Variants in TNNI3K observed in about 807,000 individuals in gnomAD.
TNNI3K encodes the protein TNNI3 interacting kinase.
TNNI3K carries 140 observed loss-of-function variants against 114.5 expected under a neutral mutation model. The observed-to-expected ratio is 1.22, with a 90% CI of 1.07 to 1.41. The LOEUF is 1.41. Ranked by LOEUF, TNNI3K falls within the 40% of genes most tolerant of loss-of-function variation. The pLI is 0.00. For missense variants in TNNI3K, 1,125 were observed against 1,007.6 expected (o/e 1.12, Z -1.58); for synonymous variants, 347 against 347.5 (o/e 1.00, Z 0.02).
intron 17 of TNNI3K, among the ~76,000 whole-genome samples, chr1:74,420,025 T>A (rs769315235): frequency 9.2e-5 from 14 of 151,848 alleles, no homozygotes; most frequent in Non-Finnish European, 1.6e-4. Context: ...ATGGCATGGG[T>A]GTTAGGAAGA....
intron 10 of TNNI3K, 49 bp from the exon 11 acceptor site, chr1:74,353,931 C>A: frequency 6.4e-7 from 1 of 1,566,380 alleles, no homozygotes; most frequent in Non-Finnish European, 8.6e-7. Flanking sequence ...AATTGGGGAG[C>A]AGTTTTTCTT....
At chr1:74,413,814 G>A (rs1474009492) in intron 17 of TNNI3K, among the ~76,000 whole-genome samples, 1 of 152,140 alleles carries the variant, frequency 6.6e-6, no homozygotes, top group Non-Finnish European at 1.5e-5. Flanking sequence ...AAAACAATGT[G>A]CCAAGTTAGA....
intron 21 of TNNI3K, chr1:74,475,215 TGAG>T: frequency 1.6e-6 from 1 of 607,208 alleles, no homozygotes. Context: ...TATTTCCTGT[TGAG>T]GAAATTAAAG....
chr1:74,444,577 G>C (rs1240702692), intron 20 of TNNI3K, among the ~76,000 whole-genome samples: 2 of 152,042 alleles, frequency 1.3e-5, no homozygotes, highest in South Asian at 4.1e-4. Context: ...TGGAGAGAAA[G>C]AATCAACATC....
At chr1:74,237,488 G>T (rs1192538855) in intron 2 of TNNI3K, among the ~76,000 whole-genome samples, 1 of 151,924 alleles carries the variant, frequency 6.6e-6, no homozygotes, top group East Asian at 1.9e-4. Context: ...ACTTTTAAAG[G>T]TCAAAGCCTC....
At chr1:74,407,677 A>T (rs1664681965) in intron 17 of TNNI3K, among the ~76,000 whole-genome samples, 1 of 152,072 alleles carries the variant, frequency 6.6e-6, no homozygotes, top group African/African-American at 2.4e-5. Flanking sequence ...TGCTGATCTT[A>T]TACTTGACTT....
intron 23 of TNNI3K, among the ~76,000 whole-genome samples, chr1:74,511,531 C>G (rs1175686088): frequency 4.6e-5 from 7 of 152,132 alleles, no homozygotes; most frequent in African/African-American, 1.4e-4. Flanking sequence ...TTACGCTAGC[C>G]TCTTCACTGA....
chr1:74,505,056 G>T (rs899942806), intron 23 of TNNI3K, among the ~76,000 whole-genome samples: 22 of 152,104 alleles, frequency 1.4e-4, no homozygotes, highest in African/African-American at 5.3e-4. Context: ...GTTCTATGAG[G>T]TTTTCATTCC....
chr1:74,244,291 AAGG>A (rs1654423544), intron 2 of TNNI3K, among the ~76,000 whole-genome samples: 1 of 152,100 alleles, frequency 6.6e-6, no homozygotes, highest in African/African-American at 2.4e-5. Context: ...GCATGAGTTC[AAGG>A]AGGATATAAT....
At chr1:74,424,224 T>A (rs961649275) in intron 17 of TNNI3K, among the ~76,000 whole-genome samples, 2 of 152,032 alleles carry the variant, frequency 1.3e-5, no homozygotes. Flanking sequence ...AAGCTTTGGT[T>A]GAAAAGAAGG....
chr1:74,296,510 A>G (rs1366554521), intron 5 of TNNI3K, among the ~76,000 whole-genome samples: 2 of 151,986 alleles, frequency 1.3e-5, no homozygotes, highest in East Asian at 1.9e-4. Context: ...TTCCATAGCT[A>G]TTTATTCCAT....
At chr1:74,407,311 A>G (rs1664662958) in intron 17 of TNNI3K, among the ~76,000 whole-genome samples, 2 of 152,208 alleles carry the variant, frequency 1.3e-5, no homozygotes, top group African/African-American at 4.8e-5. Context: ...AAAATCTTTT[A>G]TCTTGGTTGT....
chr1:74,452,474 TA>T lies in TNNI3K; in HGVS notation c.2012-10963del, dbSNP rs950067585. On this transcript the variant is annotated intron_variant, in intron 20 of 24. Transcript: ENST00000326637. Reference sequence around the variant, plus strand: ...ATTTATTTCTCTCTTTCTTTCTTTTTAAAATTATTTTCCTATTTTCAGTTCT... The same window carrying T: ...ATTTATTTCTCTCTTTCTTTCTTTTTAAATTATTTTCCTATTTTCAGTTCT... Among the ~76,000 whole-genome samples, 8 of 152,314 alleles carry T rather than the reference TA, an allele frequency of 5.3e-5. 1 individual carries two copies. The highest frequency in any genetic ancestry group is 1.9e-4 in the African/African-American group (8 of 41,568).
intron 17 of TNNI3K, among the ~76,000 whole-genome samples, chr1:74,432,638 T>G (rs1260605390): frequency 2.0e-5 from 3 of 152,108 alleles, no homozygotes; most frequent in African/African-American, 7.2e-5. Context: ...CTGCTTTACC[T>G]TGGTGGAACA....
chr1:74,493,151 A>T (rs1364107599), intron 23 of TNNI3K, among the ~76,000 whole-genome samples: 1 of 152,200 alleles, frequency 6.6e-6, no homozygotes, highest in African/African-American at 2.4e-5. Flanking sequence ...TCCAGTCCAT[A>T]GCAATAGGTA....
intron 23 of TNNI3K, among the ~76,000 whole-genome samples, chr1:74,534,817 G>T (rs1646640138): frequency 6.6e-6 from 1 of 152,040 alleles, no homozygotes; most frequent in South Asian, 2.1e-4. Flanking sequence ...CTTAACGATG[G>T]GTTTATGTGA....
intron 20 of TNNI3K, among the ~76,000 whole-genome samples, chr1:74,451,909 T>A (rs1373996064): frequency 6.6e-6 from 1 of 151,752 alleles, no homozygotes; most frequent in Non-Finnish European, 1.5e-5. Context: ...GCTTTATCAT[T>A]TGAACTTCTG....
chr1:74,472,946 G>A lies in TNNI3K; in HGVS notation c.2121+9396G>A, dbSNP rs116490595. Among the ~76,000 whole-genome samples the A allele has an allele frequency of 4.6e-3, 702 of 152,114 alleles. 11 individuals carry two copies. The highest frequency in any genetic ancestry group is 0.016 in the African/African-American group (678 of 41,520). ...ATCTTTCATTTACTAAAGGAAAATA[G>A]TACATGATGAACCATTCAGAAAGGA... On this transcript the variant is annotated intron_variant, in intron 21 of 24. Transcript: ENST00000326637.
intron 23 of TNNI3K, among the ~76,000 whole-genome samples, chr1:74,537,284 T>C (rs1030663373): frequency 1.4e-4 from 21 of 152,206 alleles, no homozygotes; most frequent in African/African-American, 5.1e-4. Flanking sequence ...TTAGGTATAT[T>C]AATAAGGGAA....
Sources: gnomAD v4.1 joint callset for allele counts (sites outside exome capture counted in the v4.1 genomes callset) on GRCh38, gnomAD v4.1.1 for gene constraint, MANE v1.5 for transcripts, NCBI Gene and HGNC (gene_info 2026-07-23, HGNC 2026-07-21) for gene names.